Variants in MPPED2 observed in about 807,000 individuals in gnomAD.
MPPED2 encodes metallophosphoesterase domain containing 2.
MPPED2 carries 5 observed loss-of-function variants against 33.0 expected under a neutral mutation model. That is an observed-to-expected ratio of 0.15 (90% CI 0.08 to 0.32). MPPED2 has a LOEUF of 0.32. Among genes scored for constraint, MPPED2 ranks in the 10% least tolerant of loss-of-function variants. The pLI, the probability that MPPED2 is intolerant of heterozygous loss-of-function variation, is 1.00. For synonymous variants in MPPED2, 136 were observed against 141.9 expected, an observed-to-expected ratio of 0.96 and a Z score of 0.29; for missense variants, 275 against 372.1, an observed-to-expected ratio of 0.74 and a Z score of 2.15.
chr11:30,387,038 G>A (rs975847265), exon 7 of MPPED2: 3 of 349,484 alleles, frequency 8.6e-6, no homozygotes, highest in African/African-American at 6.3e-5. Flanking sequence ...TCTGAACCTG[G>A]GAGCATCTAA....
chr11:30,546,033 TG>T (rs1955407239), intron 2 of MPPED2, among the ~76,000 whole-genome samples: 1 of 152,178 alleles, frequency 6.6e-6, no homozygotes, highest in South Asian at 2.1e-4. Flanking sequence ...TTGGCCAGGC[TG>T]GTCTCGAACT....
chr11:30,574,810 T>A (rs1253523942), intron 2 of MPPED2, among the ~76,000 whole-genome samples: 1 of 152,136 alleles, frequency 6.6e-6, no homozygotes, highest in African/African-American at 2.4e-5. Context: ...GTTACATACT[T>A]GTTGTAAGAA....
chr11:30,426,276 G>A (rs1948832778), intron 4 of MPPED2, among the ~76,000 whole-genome samples: 2 of 152,102 alleles, frequency 1.3e-5, no homozygotes, highest in Non-Finnish European at 2.9e-5. Context: ...TTTTGTGTCT[G>A]GCTTATTTCA....
intron 2 of MPPED2, among the ~76,000 whole-genome samples, chr11:30,551,355 GA>G (rs1338731174): frequency 1.5e-4 from 23 of 152,284 alleles, no homozygotes; most frequent in African/African-American, 5.5e-4. Flanking sequence ...CCCATAGTCA[GA>G]GATGCTATAA....
rs1008680867 is a variant in MPPED2, at chr11:30,504,187, T to G, written c.311-8666A>C. On this transcript the variant is annotated intron_variant, in intron 3 of 6. Coordinates refer to ENST00000358117, the MANE Select transcript of MPPED2 (RefSeq NM_001584.3). ...GGAAATTTTTCCTATTTAAAATTATTATTATATGTTTAATATTGTAACTCC... is the reference window on the plus strand; with the variant it reads ...GGAAATTTTTCCTATTTAAAATTATGATTATATGTTTAATATTGTAACTCC... 4.6e-5 allele frequency among the ~76,000 whole-genome samples: 7 copies of G among 152,296 alleles called. 1 individual carries two copies. In the South Asian group the frequency reaches 1.4e-3, roughly 32 times the overall value.
At chr11:30,465,498 C>T (rs1424460605) in intron 4 of MPPED2, among the ~76,000 whole-genome samples, 1 of 152,152 alleles carries the variant, frequency 6.6e-6, no homozygotes, top group Non-Finnish European at 1.5e-5. Context: ...CACCATGTTG[C>T]ATAGTCTGGT....
chr11:30,578,639 G>A (rs961043299), intron 2 of MPPED2, among the ~76,000 whole-genome samples: 3 of 152,088 alleles, frequency 2.0e-5, no homozygotes, highest in Non-Finnish European at 4.4e-5. Flanking sequence ...CAAGGAATCT[G>A]GGCAAAACAC....
intron 3 of MPPED2, among the ~76,000 whole-genome samples, chr11:30,533,567 A>T (rs1954651404): frequency 6.6e-6 from 1 of 152,116 alleles, no homozygotes; most frequent in Non-Finnish European, 1.5e-5. Flanking sequence ...GCACCCTTTC[A>T]GAAAGGGTCC....
chr11:30,541,784 G>A (rs1955135404), intron 2 of MPPED2, among the ~76,000 whole-genome samples: 1 of 152,082 alleles, frequency 6.6e-6, no homozygotes, highest in South Asian at 2.1e-4. Context: ...TAGAGACAAG[G>A]TTTCACCATG....
chr11:30,447,243 T>C (rs1185005906), intron 4 of MPPED2, among the ~76,000 whole-genome samples: 1 of 152,172 alleles, frequency 6.6e-6, no homozygotes, highest in Non-Finnish European at 1.5e-5. Context: ...AGCCATGGAA[T>C]TTCATACAAG....
exon 7 of MPPED2, chr11:30,386,459 G>A (rs1947703236): frequency 3.2e-6 from 1 of 310,934 alleles, no homozygotes; most frequent in Admixed American, 5.0e-5. Context: ...TGCTGCTTGA[G>A]AGGGTATAAG....
intron 2 of MPPED2, among the ~76,000 whole-genome samples, chr11:30,544,510 C>T (rs1170366932): frequency 6.6e-6 from 1 of 152,202 alleles, no homozygotes; most frequent in African/African-American, 2.4e-5. Context: ...CTCAAGGATT[C>T]TGCCAATTTA....
intron 1 of MPPED2, among the ~76,000 whole-genome samples, chr11:30,583,134 CTTTTTTTTTTT>C (rs199611856): frequency 1.2e-4 from 12 of 96,680 alleles, no homozygotes; most frequent in South Asian, 3.6e-4. Context: ...AAGACTTTTT[CTTTTTTTTTTT>C]TTTTTTTTTT....
At chr11:30,512,862 G>A (rs1005819096) in intron 3 of MPPED2, among the ~76,000 whole-genome samples, 1 of 152,104 alleles carries the variant, frequency 6.6e-6, no homozygotes, top group Non-Finnish European at 1.5e-5. Context: ...TTAGCCAAAT[G>A]TGGTGGTGTA....
chr11:30,583,336 C>T (rs1564920445), intron 1 of MPPED2, among the ~76,000 whole-genome samples: 1 of 151,962 alleles, frequency 6.6e-6, no homozygotes, highest in Admixed American at 6.5e-5. Context: ...ATCTCACCCT[C>T]TTCACACTTA....
intron 2 of MPPED2, among the ~76,000 whole-genome samples, chr11:30,536,560 G>A (rs923841878): frequency 5.3e-5 from 8 of 152,086 alleles, no homozygotes; most frequent in Non-Finnish European, 5.9e-5. Flanking sequence ...TACTCATTAG[G>A]AAATAGATAA....
intron 2 of MPPED2, among the ~76,000 whole-genome samples, chr11:30,563,415 C>G (rs956420180): frequency 6.6e-6 from 1 of 152,290 alleles, no homozygotes; most frequent in African/African-American, 2.4e-5. Flanking sequence ...GCTGATCTGA[C>G]AGGAGGTGGA....
intron 6 of MPPED2, among the ~76,000 whole-genome samples, chr11:30,390,683 C>G (rs1947761904): frequency 6.6e-6 from 1 of 152,196 alleles, no homozygotes; most frequent in Admixed American, 6.5e-5. Flanking sequence ...AAAACAACAA[C>G]TTATTGTTAT....
chr11:30,511,595 AATAC>A (rs763651476), intron 3 of MPPED2, among the ~76,000 whole-genome samples: 71 of 152,250 alleles, frequency 4.7e-4, no homozygotes, highest in African/African-American at 1.4e-3. Flanking sequence ...GAAGGCAGGA[AATAC>A]ATGCATGCAT....
Sources: allele counts gnomAD v4.1 joint callset (sites outside exome capture counted in the v4.1 genomes callset), GRCh38; gene constraint gnomAD v4.1.1; transcripts MANE v1.5; gene names NCBI Gene and HGNC (gene_info 2026-07-23, HGNC 2026-07-21).